Variants in MAGT1 observed in about 807,000 individuals in gnomAD.
The protein encoded by MAGT1 is dolichyl-diphosphooligosaccharide--protein glycosyltransferase subunit MAGT1.
A neutral mutation model predicts 28.4 loss-of-function variants in MAGT1; 4 were observed. The ratio of observed to expected loss-of-function variants is 0.14; its 90% confidence interval spans 0.07 to 0.32. The LOEUF (loss-of-function observed/expected upper bound fraction) is 0.32. Ranked by LOEUF, MAGT1 falls within the 10% of genes least tolerant of loss-of-function variation. The probability of loss-of-function intolerance (pLI) is 1.00; values close to 1 mark genes in which losing one functional copy is unlikely to be tolerated. For synonymous variants in MAGT1, 89 were observed against 89.7 expected, an observed-to-expected ratio of 0.99 and a Z score of 0.04; for missense variants, 193 against 264.5, an observed-to-expected ratio of 0.73 and a Z score of 1.88.
chrX:77,871,534 C>T (rs1303164514), intron 2 of MAGT1, among the ~76,000 whole-genome samples: 1 of 111,451 alleles, frequency 9.0e-6, no homozygotes, highest in Non-Finnish European at 1.9e-5. Context: ...ATGGCAAAAC[C>T]CTGTCTCTAT....
intron 1 of MAGT1, among the ~76,000 whole-genome samples, chrX:77,876,154 ATATATATATATTTTTT>A (rs1174138908): frequency 6.4e-5 from 2 of 31,265 alleles, no homozygotes; most frequent in African/African-American, 1.0e-4. Flanking sequence ...ATATATATAT[ATATATATATATTTTTT>A]TTTTTTTTTT....
At chrX:77,865,156 G>C (rs2149021775) in intron 3 of MAGT1, among the ~76,000 whole-genome samples, 1 of 112,118 alleles carries the variant, frequency 8.9e-6, no homozygotes, top group South Asian at 3.7e-4. Flanking sequence ...ATAGCACAAT[G>C]AATGATATAC....
At chrX:77,850,033 G>C (rs2076962910) in intron 7 of MAGT1, among the ~76,000 whole-genome samples, 1 of 111,457 alleles carries the variant, frequency 9.0e-6, no homozygotes, top group Non-Finnish European at 1.9e-5. Context: ...TATTAATCAT[G>C]CAATAAACTG....
At chrX:77,871,545 T>TA (rs1423451312) in intron 2 of MAGT1, among the ~76,000 whole-genome samples, 1 of 110,934 alleles carries the variant, frequency 9.0e-6, no homozygotes, top group Non-Finnish European at 1.9e-5. Flanking sequence ...CTGTCTCTAT[T>TA]AAAAATACAA....
chrX:77,842,164 G>A (rs5959052), intron 7 of MAGT1, among the ~76,000 whole-genome samples: 6,392 of 109,988 alleles, frequency 0.058, 497 homozygotes, highest in African/African-American at 0.2. Flanking sequence ...AGGCCGAGGC[G>A]GGCCGATTGC....
At chrX:77,878,155 G>GGT (rs2077040972) in intron 1 of MAGT1, among the ~76,000 whole-genome samples, 1 of 106,374 alleles carries the variant, frequency 9.4e-6, no homozygotes, top group Admixed American at 1.0e-4. Context: ...TGGGCATGGT[G>GGT]GCACATGCCT....
In MAGT1 at chrX:77,828,305, C is replaced by T. The variant is rs1254559587; in HGVS notation, c.*915G>A. ...GACATTGCTGGTGTGGTAGCTCACA[C>T]ATGTCATCCTCGCACTTTGGGAGAC... is the stretch of plus-strand genomic sequence containing the variant. On this transcript the variant is annotated 3_prime_UTR_variant, in exon 10 of 10. Transcript: ENST00000618282. The T allele has an allele frequency of 9.0e-6, 1 of 110,774 alleles. No individual in the cohort carries two copies. The highest frequency in any genetic ancestry group is 9.7e-5 in the Admixed American group (1 of 10,322). 9.1% of individuals were successfully genotyped at this position (110,774 alleles called of 1,213,427 possible).
Position 77,826,795 on chromosome X carries a change from C to T in MAGT1, c.*2425G>A, listed in dbSNP as rs571716739. ...CTTCATACAAGTCTCATAAGAACCA[C>T]AGCATAGATTTGGCCTGAGACAAGT... On this transcript the variant is annotated 3_prime_UTR_variant, in exon 10 of 10. Coordinates refer to ENST00000618282, the MANE Select transcript of MAGT1 (RefSeq NM_001367916.1). The T allele has an allele frequency of 8.9e-6, 1 of 112,151 alleles. No homozygotes were observed. The highest frequency in any genetic ancestry group is 3.7e-4 in the South Asian group (1 of 2,730). The allele number at this position is 112,151 out of a possible 1,213,427, so 9.2% of individuals were successfully genotyped here.
intron 9 of MAGT1, among the ~76,000 whole-genome samples, chrX:77,830,099 C>T (rs930359021): frequency 2.7e-5 from 3 of 112,119 alleles, no homozygotes; most frequent in African/African-American, 9.7e-5. Flanking sequence ...GAGCAGGAGA[C>T]TCGCTTGATG....
chrX:77,845,663 T>C (rs1395874100), intron 7 of MAGT1, among the ~76,000 whole-genome samples: 4 of 111,653 alleles, frequency 3.6e-5, no homozygotes, highest in Non-Finnish European at 5.6e-5. Flanking sequence ...CATTTGCTTG[T>C]CTGTAAAGGA....
intron 1 of MAGT1, among the ~76,000 whole-genome samples, chrX:77,877,874 TAC>T (rs782165796): frequency 0.51 from 53,220 of 104,297 alleles, 12,461 homozygotes; most frequent in Non-Finnish European, 0.68. Context: ...AAATAAAATA[TAC>T]TGACAATATC....
At chrX:77,869,043 T>G (rs955311756) in intron 3 of MAGT1, among the ~76,000 whole-genome samples, 1 of 111,830 alleles carries the variant, frequency 8.9e-6, no homozygotes, top group African/African-American at 3.2e-5. Context: ...AAACTCTTTT[T>G]TTGAGACTGA....
At chrX:77,842,169 G>T (rs1302869808) in intron 7 of MAGT1, among the ~76,000 whole-genome samples, 6 of 110,309 alleles carry the variant, frequency 5.4e-5, no homozygotes, top group East Asian at 2.9e-4. Flanking sequence ...GAGGCGGGCC[G>T]ATTGCTTAAG....
chrX:77,834,460 A>G (rs1179579611), intron 8 of MAGT1, among the ~76,000 whole-genome samples: 1 of 107,304 alleles, frequency 9.3e-6, no homozygotes, highest in African/African-American at 3.4e-5. Flanking sequence ...CAGCCTCCCA[A>G]GTAGCTGGGA....
chrX:77,891,315 C>CAACTATCTATCT (rs2077081613), intron 1 of MAGT1, among the ~76,000 whole-genome samples: 1 of 90,435 alleles, frequency 1.1e-5, no homozygotes, highest in Non-Finnish European at 2.2e-5. Context: ...TCAGTTCCCT[C>CAACTATCTATCT]ATCTATCTAT....
chrX:77,886,279 A>G (rs1305585771), intron 1 of MAGT1, among the ~76,000 whole-genome samples: 1 of 111,906 alleles, frequency 8.9e-6, no homozygotes, highest in Non-Finnish European at 1.9e-5. Context: ...AGCCTTTATC[A>G]TAATGGATAA....
At chrX:77,871,443 C>G (rs1557217322) in intron 2 of MAGT1, among the ~76,000 whole-genome samples, 1 of 112,458 alleles carries the variant, frequency 8.9e-6, no homozygotes, top group Admixed American at 9.5e-5. Flanking sequence ...GAGGCCAGCT[C>G]ATACCTGTAA....
intron 8 of MAGT1, among the ~76,000 whole-genome samples, chrX:77,834,211 T>C (rs782769783): frequency 6.3e-4 from 62 of 98,361 alleles, no homozygotes; most frequent in Non-Finnish European, 8.2e-4. Flanking sequence ...TATATATACA[T>C]GTGTGTATAT....
chrX:77,856,911 A>T (rs782094908), intron 4 of MAGT1, 38 bp from the exon 5 acceptor site: 6 of 1,115,680 alleles, frequency 5.4e-6, no homozygotes, highest in East Asian at 6.0e-5. Flanking sequence ...AAAGTATAAA[A>T]TTTTTTTACT....
Sources: allele counts gnomAD v4.1 joint callset (sites outside exome capture counted in the v4.1 genomes callset), GRCh38; gene constraint gnomAD v4.1.1; transcripts MANE v1.5; gene names NCBI Gene and HGNC (gene_info 2026-07-23, HGNC 2026-07-21).